The following CNTN4 variants were observed in gnomAD, a reference collection of about 807,000 sequenced individuals.
CNTN4 encodes the protein contactin-4.
In CNTN4, 77 loss-of-function variants were observed where a neutral mutation model predicts 122.5. That is an observed-to-expected ratio of 0.63 (90% CI 0.52 to 0.76). The LOEUF is 0.76. CNTN4 is among the 30% of genes least tolerant of loss of function. CNTN4 has a pLI of 0.00. For synonymous variants in CNTN4, 512 were observed against 447.0 expected (o/e 1.15, Z -1.83); for missense variants, 1,256 against 1,259.1 (o/e 1.00, Z 0.04).
intron 3 of CNTN4, among the ~76,000 whole-genome samples, chr3:2,380,408 G>A (rs896997701): frequency 1.8e-4 from 27 of 151,508 alleles, no homozygotes; most frequent in Middle Eastern, 3.4e-3. Context: ...TTGGAAAGAG[G>A]AAATAGTTGA....
chr3:2,368,181 G>A (rs1266484546), intron 3 of CNTN4, among the ~76,000 whole-genome samples: 9 of 73,046 alleles, frequency 1.2e-4, no homozygotes, highest in African/African-American at 1.9e-4. Flanking sequence ...TACAGGGCCC[G>A]CCACCACGCC....
At chr3:2,435,325 C>T (rs960111712) in intron 3 of CNTN4, among the ~76,000 whole-genome samples, 3 of 152,136 alleles carry the variant, frequency 2.0e-5, no homozygotes, top group African/African-American at 7.2e-5. Context: ...ATAACCAATG[C>T]ACATTCTCCT....
intron 14 of CNTN4, among the ~76,000 whole-genome samples, chr3:3,009,506 T>A (rs57668923): frequency 0.021 from 3,131 of 151,542 alleles, 112 homozygotes; most frequent in African/African-American, 0.07. Context: ...CGATCTCAGC[T>A]CACTGCAAGC....
At chr3:2,456,714 G>T (rs1340071794) in intron 3 of CNTN4, among the ~76,000 whole-genome samples, 1 of 151,976 alleles carries the variant, frequency 6.6e-6, no homozygotes, top group Non-Finnish European at 1.5e-5. Context: ...TCTTTTTTAT[G>T]TACAAATAAT....
chr3:2,142,449 C>T (rs540167928), intron 2 of CNTN4, among the ~76,000 whole-genome samples: 5 of 152,014 alleles, frequency 3.3e-5, no homozygotes, highest in South Asian at 2.1e-4. Context: ...ACTGCAACCT[C>T]ACCTCCCAGG....
At chr3:2,604,080 G>C (rs2081158844) in intron 4 of CNTN4, among the ~76,000 whole-genome samples, 1 of 152,168 alleles carries the variant, frequency 6.6e-6, no homozygotes, top group Non-Finnish European at 1.5e-5. Context: ...TTGGAAGTGA[G>C]ATGTAATTTC....
rs185474639 is a variant in CNTN4 at position 2,383,726 on chromosome 3, C to G, written c.-89+44493C>G. ...CTTTCCCTCCCTCTCCTTCTTCTGT[C>G]TCTCCCTCTTCTCTCTTCTCCCTCT... On this transcript the variant is annotated intron_variant, in intron 3 of 24. Transcript: ENST00000418658. Among the ~76,000 whole-genome samples, 600 of 148,912 alleles carry G rather than the reference C, an allele frequency of 4.0e-3. 4 individuals are homozygous for G. Among genetic ancestry groups the G allele is most frequent in the Middle Eastern group, 0.014 (4 of 290 alleles).
intron 4 of CNTN4, among the ~76,000 whole-genome samples, chr3:2,636,906 C>CTCTT (rs1056213717): frequency 4.1e-5 from 6 of 145,112 alleles, no homozygotes; most frequent in Admixed American, 6.9e-5. Context: ...TTTTCTTTTC[C>CTCTT]TCTTTCTTTC....
At chr3:2,214,432 T>A (rs771090614) in intron 2 of CNTN4, among the ~76,000 whole-genome samples, 24 of 152,110 alleles carry the variant, frequency 1.6e-4, no homozygotes, top group Non-Finnish European at 1.8e-4. Flanking sequence ...TAATATTGAG[T>A]TTTTATAAAT....
chr3:2,952,391 T>C (rs2094754809), intron 13 of CNTN4, among the ~76,000 whole-genome samples: 1 of 152,194 alleles, frequency 6.6e-6, no homozygotes, highest in African/African-American at 2.4e-5. Flanking sequence ...ACTTAATTTA[T>C]TGTACTTAAA....
chr3:2,560,103 A>G (rs553035998), intron 3 of CNTN4, among the ~76,000 whole-genome samples: 68 of 151,460 alleles, frequency 4.5e-4, no homozygotes, highest in African/African-American at 1.6e-3. Context: ...TCCTGTCCCA[A>G]CCTCCACTTA....
chr3:2,388,922 C>T (rs541343092), intron 3 of CNTN4, among the ~76,000 whole-genome samples: 2 of 107,402 alleles, frequency 1.9e-5, no homozygotes, highest in African/African-American at 5.4e-5. Context: ...CTTTGGGAGG[C>T]CGGGGTGGGT....
At chr3:2,713,833 TTTG>T (rs1337684935) in intron 4 of CNTN4, among the ~76,000 whole-genome samples, 1 of 152,208 alleles carries the variant, frequency 6.6e-6, no homozygotes, top group East Asian at 1.9e-4. Flanking sequence ...GACCTGGATT[TTTG>T]TTCTCAGCTC....
chr3:2,814,821 T>A (rs1041241696), intron 6 of CNTN4, among the ~76,000 whole-genome samples: 1 of 152,236 alleles, frequency 6.6e-6, no homozygotes, highest in Non-Finnish European at 1.5e-5. Context: ...GCTTCAGCTG[T>A]GTCACCTATA....
intron 3 of CNTN4, among the ~76,000 whole-genome samples, chr3:2,471,591 T>G (rs2075685773): frequency 6.6e-6 from 1 of 152,220 alleles, no homozygotes; most frequent in Admixed American, 6.5e-5. Flanking sequence ...ATCTTATGAT[T>G]GTCCTCCATA....
chr3:2,702,419 TTCATTATAATATTAA>T (rs2086407872), intron 4 of CNTN4, among the ~76,000 whole-genome samples: 1 of 152,258 alleles, frequency 6.6e-6, no homozygotes, highest in African/African-American at 2.4e-5. Flanking sequence ...GTAGCATATT[TTCATTATAATATTAA>T]GTCTATGACA....
At chr3:2,420,784 T>C (rs1410489724) in intron 3 of CNTN4, among the ~76,000 whole-genome samples, 1 of 152,152 alleles carries the variant, frequency 6.6e-6, no homozygotes, top group Non-Finnish European at 1.5e-5. Flanking sequence ...TCATTTTCTT[T>C]CTGGCCTGCA....
Position 2,190,068 on chromosome 3 carries a change from A to C in CNTN4, c.-145+89429A>C, listed in dbSNP as rs991704233. The stretch of plus-strand genomic sequence containing the variant: ...TTAATAGTCCATTTCAAGGTCACTG[A>C]ATCAGTGTTTGGGATTCTACCCCAG... On this transcript the variant is annotated intron_variant, in intron 2 of 24. Transcript: ENST00000418658. Among the ~76,000 whole-genome samples the C allele has an allele frequency of 2.6e-4, 40 of 152,168 alleles. 1 individual carries two copies. The highest frequency in any genetic ancestry group is 9.6e-4 in the African/African-American group (40 of 41,470).
intron 7 of CNTN4, among the ~76,000 whole-genome samples, chr3:2,853,191 AAAG>A (rs199751745): frequency 0.25 from 38,064 of 151,476 alleles, 4,742 homozygotes; most frequent in Middle Eastern, 0.3. Context: ...GGAAAAAAAA[AAAG>A]AACAGTGTCC....
Sources: gnomAD v4.1 joint callset for allele counts (sites outside exome capture counted in the v4.1 genomes callset) on GRCh38, gnomAD v4.1.1 for gene constraint, MANE v1.5 for transcripts, NCBI Gene and HGNC (gene_info 2026-07-23, HGNC 2026-07-21) for gene names.